SYT14: variants seen among roughly 807,000 people sequenced by gnomAD.
SYT14 encodes synaptotagmin 14, also known as synaptotagmin-14.
SYT14 carries 32 observed loss-of-function variants against 74.2 expected under a neutral mutation model. The ratio of observed to expected loss-of-function variants is 0.43; its 90% CI spans 0.33 to 0.58. SYT14 has a LOEUF of 0.58. Ranked by LOEUF, SYT14 falls within the 20% of genes least tolerant of loss-of-function variation. The pLI, the probability that SYT14 is intolerant of heterozygous loss-of-function variation, is 0.05. For synonymous variants in SYT14, 298 were observed against 337.7 expected (o/e 0.88, Z 1.29); for missense variants, 791 against 981.8 (o/e 0.81, Z 2.60).
intron 2 of SYT14, among the ~76,000 whole-genome samples, chr1:209,996,194 G>A (rs1424544163): frequency 6.6e-6 from 1 of 152,094 alleles, no homozygotes; most frequent in Non-Finnish European, 1.5e-5. Flanking sequence ...TCAAGAGTTG[G>A]TTCCTTGAAA....
chr1:209,956,707 A>G (rs1183605258), intron 2 of SYT14, among the ~76,000 whole-genome samples: 1 of 152,172 alleles, frequency 6.6e-6, no homozygotes, highest in African/African-American at 2.4e-5. Flanking sequence ...TTTCCTTGCC[A>G]TAGTCTTACA....
At chr1:210,113,130 C>T (rs975924197) in intron 7 of SYT14, among the ~76,000 whole-genome samples, 4 of 151,258 alleles carry the variant, frequency 2.6e-5, no homozygotes, top group East Asian at 1.9e-4. Context: ...GGCGTGGTCC[C>T]GGCTCTTGTG....
In SYT14 at chr1:210,036,194, G is replaced by A. The variant is rs1331847193; in HGVS notation, c.1312+14940G>A. Among the ~76,000 whole-genome samples the A allele has an allele frequency of 4.0e-5, 6 of 151,718 alleles. No individual in the cohort carries two copies. In the East Asian group the frequency reaches 1.2e-3, roughly 29 times the overall value. ...TTTTTGTTTTTGTTTTTTGTAGCTTGTTATAAATGGAATTGCCGTCCTGAT... is the reference window on the plus strand; with the variant it reads ...TTTTTGTTTTTGTTTTTTGTAGCTTATTATAAATGGAATTGCCGTCCTGAT... On this transcript the variant is annotated intron_variant, in intron 5 of 9. Transcript: ENST00000637265.
At chr1:209,978,752 G>A (rs549649366) in intron 2 of SYT14, among the ~76,000 whole-genome samples, 1 of 152,230 alleles carries the variant, frequency 6.6e-6, no homozygotes, top group African/African-American at 2.4e-5. Flanking sequence ...TGACATTTAA[G>A]TCTGCAGAGG....
chr1:210,009,950 T>C (rs961370830), intron 2 of SYT14, among the ~76,000 whole-genome samples: 1 of 152,102 alleles, frequency 6.6e-6, no homozygotes, highest in East Asian at 1.9e-4. Context: ...TCAACTCTTC[T>C]TCTTTCTTAT....
intron 5 of SYT14, among the ~76,000 whole-genome samples, chr1:210,086,309 C>T (rs544422774): frequency 6.6e-6 from 1 of 152,296 alleles, no homozygotes; most frequent in African/African-American, 2.4e-5. Flanking sequence ...TGGGAAGATA[C>T]TGTGTAACTA....
intron 2 of SYT14, chr1:209,965,851 A>G (rs146837857): frequency 2.1e-4 from 95 of 445,436 alleles, no homozygotes; most frequent in African/African-American, 1.9e-3. Flanking sequence ...AATAGATTAT[A>G]TATTTATCGG....
chr1:210,088,168 CTGTTTT>C (rs2081778281), intron 5 of SYT14, among the ~76,000 whole-genome samples: 1 of 145,920 alleles, frequency 6.9e-6, no homozygotes, highest in East Asian at 2.0e-4. Flanking sequence ...ATTTAATTTG[CTGTTTT>C]TGTTAACTTT....
intron 4 of SYT14, among the ~76,000 whole-genome samples, chr1:210,017,692 A>G (rs1182389071): frequency 6.6e-6 from 1 of 152,190 alleles, no homozygotes; most frequent in Non-Finnish European, 1.5e-5. Context: ...TCTATGTAGA[A>G]TTAGGATTCT....
At chr1:210,004,862 T>C (rs981878130) in intron 2 of SYT14, among the ~76,000 whole-genome samples, 1 of 152,004 alleles carries the variant, frequency 6.6e-6, no homozygotes, top group African/African-American at 2.4e-5. Context: ...GATACAGATA[T>C]CATATCAACA....
chr1:210,152,408 G>A (rs1456574483), intron 7 of SYT14, among the ~76,000 whole-genome samples: 5 of 152,080 alleles, frequency 3.3e-5, no homozygotes, highest in Admixed American at 6.5e-5. Context: ...AGGGAATACT[G>A]TTAGTGTCTT....
chr1:210,148,042 T>A (rs1213456891), intron 7 of SYT14, among the ~76,000 whole-genome samples: 1 of 151,928 alleles, frequency 6.6e-6, no homozygotes, highest in Non-Finnish European at 1.5e-5. Flanking sequence ...GCCCTCTCAC[T>A]CCAACCCACC....
intron 5 of SYT14, among the ~76,000 whole-genome samples, chr1:210,065,768 C>T (rs1186365058): frequency 1.3e-5 from 2 of 151,666 alleles, no homozygotes; most frequent in Non-Finnish European, 1.5e-5. Flanking sequence ...GGTACATGTG[C>T]ACAACGTGCA....
chr1:209,951,206 C>T (rs1308489007), intron 1 of SYT14, among the ~76,000 whole-genome samples: 1 of 152,146 alleles, frequency 6.6e-6, no homozygotes, highest in African/African-American at 2.4e-5. Context: ...CCATGCTGTG[C>T]AGCAGATCTC....
chr1:210,128,853 C>T (rs528931728), intron 7 of SYT14, among the ~76,000 whole-genome samples: 4 of 152,198 alleles, frequency 2.6e-5, no homozygotes, highest in African/African-American at 7.2e-5. Context: ...ATTGTTTTCC[C>T]GAAGAACATT....
exon 10 of SYT14, chr1:210,161,822 T>C (rs2102731252): frequency 2.2e-6 from 1 of 453,716 alleles, no homozygotes; most frequent in Non-Finnish European, 4.4e-6. Context: ...GCACTTCCTG[T>C]ATTCTTGTAT....
chr1:210,036,254 C>A (rs912735753), intron 5 of SYT14, among the ~76,000 whole-genome samples: 3 of 151,994 alleles, frequency 2.0e-5, no homozygotes, highest in Admixed American at 6.6e-5. Context: ...TATAGAAATG[C>A]TGCTGATTTC....
At chr1:210,124,977 G>T (rs1402090881) in intron 7 of SYT14, among the ~76,000 whole-genome samples, 1 of 152,054 alleles carries the variant, frequency 6.6e-6, no homozygotes. Flanking sequence ...GATTTGCGAA[G>T]TTAAAGTGAA....
chr1:210,143,374 C>T (rs2082959812), intron 7 of SYT14, among the ~76,000 whole-genome samples: 1 of 152,126 alleles, frequency 6.6e-6, no homozygotes, highest in Non-Finnish European at 1.5e-5. Flanking sequence ...GCTAATTTTT[C>T]ACCATGTGTC....
Sources: allele counts gnomAD v4.1 joint callset (sites outside exome capture counted in the v4.1 genomes callset), GRCh38; gene constraint gnomAD v4.1.1; transcripts MANE v1.5; gene names NCBI Gene and HGNC (gene_info 2026-07-23, HGNC 2026-07-21).